ARHGAP32: variants seen among roughly 807,000 people sequenced by gnomAD.
The protein encoded by ARHGAP32 is rho GTPase-activating protein 32.
Under a neutral mutation model 186.5 loss-of-function variants are expected in ARHGAP32, and 51 were observed. That is an observed-to-expected ratio of 0.27 (90% CI 0.22 to 0.35). The LOEUF (loss-of-function observed/expected upper bound fraction) is 0.35, where lower values mean the gene tolerates loss of function less well. Ranked by LOEUF, ARHGAP32 falls within the 10% of genes least tolerant of loss-of-function variation. The pLI is 1.00. For synonymous variants in ARHGAP32, 950 were observed against 964.3 expected, an observed-to-expected ratio of 0.99 and a Z score of 0.27; for missense variants, 2,186 against 2,623.5, an observed-to-expected ratio of 0.83 and a Z score of 3.64.
intron 5 of ARHGAP32, among the ~76,000 whole-genome samples, chr11:129,108,635 C>T (rs1942117626): frequency 6.6e-6 from 1 of 151,888 alleles, no homozygotes; most frequent in Admixed American, 6.6e-5. Context: ...CTGCTCGAGC[C>T]CTTTGCTGAT....
At chr11:129,251,625 A>C (rs1355673300) in intron 1 of ARHGAP32, among the ~76,000 whole-genome samples, 1 of 152,144 alleles carries the variant, frequency 6.6e-6, no homozygotes, top group African/African-American at 2.4e-5. Context: ...AAAATACTGA[A>C]GGTTAAAAAC....
chr11:129,099,534 T>G (rs973508762), intron 5 of ARHGAP32, among the ~76,000 whole-genome samples: 1 of 152,152 alleles, frequency 6.6e-6, no homozygotes, highest in Non-Finnish European at 1.5e-5. Flanking sequence ...TTACTATATA[T>G]GGTGGTTACA....
intron 15 of ARHGAP32, among the ~76,000 whole-genome samples, chr11:128,985,382 T>C (rs1945835084): frequency 6.6e-6 from 1 of 152,258 alleles, no homozygotes; most frequent in Non-Finnish European, 1.5e-5. Context: ...ATTAAATTAC[T>C]TAATTTGCAT....
At chr11:128,989,029 T>C (rs1945960180) in intron 12 of ARHGAP32, among the ~76,000 whole-genome samples, 1 of 152,208 alleles carries the variant, frequency 6.6e-6, no homozygotes, top group African/African-American at 2.4e-5. Context: ...AAAGAGCTAC[T>C]ATACTAGAGA....
At chr11:129,012,725 G>A (rs913059286) in intron 11 of ARHGAP32, among the ~76,000 whole-genome samples, 1 of 152,182 alleles carries the variant, frequency 6.6e-6, no homozygotes, top group Admixed American at 6.5e-5. Flanking sequence ...AAGGGAAAAA[G>A]TGACCATTTT....
At chr11:129,255,170 C>A (rs1358909726) in intron 1 of ARHGAP32, among the ~76,000 whole-genome samples, 1 of 152,038 alleles carries the variant, frequency 6.6e-6, no homozygotes, top group Non-Finnish European at 1.5e-5. Flanking sequence ...TGGAACAGCA[C>A]AGTATTTGCT....
chr11:129,194,436 AG>A (rs1453430758), upstream of ARHGAP32, among the ~76,000 whole-genome samples: 2 of 152,204 alleles, frequency 1.3e-5, no homozygotes, highest in African/African-American at 4.8e-5. Flanking sequence ...GCAGCCCTAC[AG>A]GTCACAATAC....
intron 11 of ARHGAP32, among the ~76,000 whole-genome samples, chr11:129,018,067 T>C (rs370209814): frequency 1.2e-4 from 19 of 152,224 alleles, no homozygotes; most frequent in African/African-American, 4.6e-4. Flanking sequence ...ATACTTGAAG[T>C]TCTGGGATAC....
At chr11:129,126,404 A>T (rs1942660803) in intron 2 of ARHGAP32, among the ~76,000 whole-genome samples, 1 of 152,248 alleles carries the variant, frequency 6.6e-6, no homozygotes, top group African/African-American at 2.4e-5. Flanking sequence ...GTTATCATTC[A>T]GTTTTTATAC....
intron 9 of ARHGAP32, among the ~76,000 whole-genome samples, chr11:129,063,420 AC>A (rs1940580638): frequency 1.3e-5 from 2 of 152,076 alleles, no homozygotes; most frequent in South Asian, 4.1e-4. Flanking sequence ...TGTTCATTTC[AC>A]CTTTTATCTG....
chr11:129,119,982 C>A (rs1458107504), intron 5 of ARHGAP32, among the ~76,000 whole-genome samples: 3 of 152,032 alleles, frequency 2.0e-5, no homozygotes, highest in African/African-American at 7.2e-5. Flanking sequence ...CTGGCTTTTA[C>A]TCTGAATAAG....
intron 10 of ARHGAP32, among the ~76,000 whole-genome samples, chr11:129,042,583 A>C (rs1233186642): frequency 1.3e-5 from 2 of 152,092 alleles, no homozygotes; most frequent in African/African-American, 4.8e-5. Flanking sequence ...ATGAGAGGGG[A>C]TATGGGACAT....
At chr11:128,984,189 C>T (rs1156470389) in intron 15 of ARHGAP32, among the ~76,000 whole-genome samples, 1 of 152,038 alleles carries the variant, frequency 6.6e-6, no homozygotes, top group Non-Finnish European at 1.5e-5. Flanking sequence ...GCCTAGGCAA[C>T]ATGGCAAAAC....
At chr11:128,995,596 T>C (rs1392951794) in intron 12 of ARHGAP32, among the ~76,000 whole-genome samples, 2 of 152,326 alleles carry the variant, frequency 1.3e-5, no homozygotes, top group African/African-American at 2.4e-5. Flanking sequence ...CCCAGCACTT[T>C]GGGAGGCCAA....
At chr11:129,052,210 T>G (rs1293163304) in intron 10 of ARHGAP32, among the ~76,000 whole-genome samples, 1 of 152,182 alleles carries the variant, frequency 6.6e-6, no homozygotes, top group Non-Finnish European at 1.5e-5. Flanking sequence ...CAGTTGTCCA[T>G]GTGTACAACT....
chr11:128,974,954 G>A lies in ARHGAP32; in HGVS notation c.2243C>T (p.Ala748Val). The A allele has an allele frequency of 6.2e-7, 1 of 1,613,190 alleles. No homozygotes were observed. Among genetic ancestry groups the A allele is most frequent in the Non-Finnish European group, 8.5e-7 (1 of 1,179,702 alleles). Reference sequence around the variant, plus strand: ...TTCTCCATTAAAAGAGGCAGACAGTGCATCACTGGAAGATCTGGGTCTTCT... The same window carrying A: ...TTCTCCATTAAAAGAGGCAGACAGTACATCACTGGAAGATCTGGGTCTTCT... ...RPRRPRSSSD[A>V]LSASFNGEML... Residue 748 changes from alanine to valine, a missense_variant, in exon 21 of 23, where the codon GCA (alanine) becomes GTA (valine). Ala to Val is a moderately conservative substitution (Grantham distance 64). Coordinates refer to ENST00000682385, the MANE Select transcript of ARHGAP32 (RefSeq NM_001378024.1).
At chr11:129,274,314 ACT>A (rs1449209917) in intron 1 of ARHGAP32, among the ~76,000 whole-genome samples, 3 of 152,036 alleles carry the variant, frequency 2.0e-5, no homozygotes, top group East Asian at 3.9e-4. Flanking sequence ...TCAAGAGAAA[ACT>A]CTGTCGCATC....
At chr11:129,007,533 G>C (rs1265453766) in intron 11 of ARHGAP32, among the ~76,000 whole-genome samples, 1 of 151,924 alleles carries the variant, frequency 6.6e-6, no homozygotes, top group Non-Finnish European at 1.5e-5. Context: ...GGCTAGAATG[G>C]GGGCCTCACA....
intron 10 of ARHGAP32, among the ~76,000 whole-genome samples, chr11:129,046,195 T>G (rs1939798597): frequency 6.6e-6 from 1 of 152,142 alleles, no homozygotes; most frequent in Non-Finnish European, 1.5e-5. Flanking sequence ...AGAAGGGCAC[T>G]CAGTTATACA....
Sources: allele counts gnomAD v4.1 joint callset (sites outside exome capture counted in the v4.1 genomes callset), GRCh38; gene constraint gnomAD v4.1.1; transcripts MANE v1.5; gene names NCBI Gene and HGNC (gene_info 2026-07-23, HGNC 2026-07-21).